Variants in TBK1 observed in about 807,000 individuals in gnomAD.
The protein encoded by TBK1 is serine/threonine-protein kinase TBK1.
Under a neutral mutation model 99.9 loss-of-function variants are expected in TBK1, and 37 were observed. That is an observed-to-expected ratio of 0.37 (90% confidence interval 0.28 to 0.49). The LOEUF is 0.49. Ranked by LOEUF, TBK1 falls within the 20% of genes least tolerant of loss-of-function variation. TBK1 has a pLI of 0.98. For synonymous variants in TBK1, 258 were observed against 279.8 expected, an observed-to-expected ratio of 0.92 and a Z score of 0.78; for missense variants, 644 against 872.5, an observed-to-expected ratio of 0.74 and a Z score of 3.30.
In TBK1 at chr12:64,474,405, G is replaced by T. The variant is rs374619568; in HGVS notation, c.701+15G>T. ...AAAGAAGTGATGTAAGTGGTTTCCCGATCTAAAATCAGAGAAGCATTTAAA... is the reference window on the plus strand; with the variant it reads ...AAAGAAGTGATGTAAGTGGTTTCCCTATCTAAAATCAGAGAAGCATTTAAA... On this transcript the variant is annotated intron_variant, in intron 6 of 20. Coordinates refer to ENST00000331710, the MANE Select transcript of TBK1 (RefSeq NM_013254.4). 1.3e-6 allele frequency: 2 copies of T among 1,594,058 alleles called. No individual in the cohort carries two copies. The highest frequency in any genetic ancestry group is 1.3e-5 in the African/African-American group (1 of 74,272).
intron 5 of TBK1, among the ~76,000 whole-genome samples, chr12:64,470,753 T>C (rs2040654268): frequency 6.6e-6 from 1 of 152,200 alleles, no homozygotes; most frequent in African/African-American, 2.4e-5. Flanking sequence ...TTTCCAATCA[T>C]GATAATCACT....
intron 3 of TBK1, among the ~76,000 whole-genome samples, chr12:64,463,721 A>G: frequency 6.6e-6 from 1 of 151,716 alleles, no homozygotes; most frequent in Non-Finnish European, 1.5e-5. Flanking sequence ...AAAGAAAGGA[A>G]TTTAAGATGA....
Position 64,482,021 on chromosome 12 carries a change from C to T in TBK1, c.992C>T (p.Thr331Ile), listed in dbSNP as rs200758840. ...AAGATTTATATTCATAGCTATAATA[C>T]GTAAGTATCTCTATTTTCTTCTTGT... ...AHKIYIHSYN[T>I]ATIFHELVYK... The change falls in exon 8 of 21, where the codon ACT becomes ATT. Residue 331 changes from threonine (T) to isoleucine (I), a missense_variant and splice_region_variant. By Grantham distance (89) the Thr-to-Ile change is moderately conservative. Coordinates refer to ENST00000331710, the MANE Select transcript of TBK1 (RefSeq NM_013254.4). 2.0e-5 allele frequency: 31 copies of T among 1,519,392 alleles called. No homozygotes were observed. The highest frequency in any genetic ancestry group is 2.4e-5 in the East Asian group (1 of 41,016). 94.1% of individuals were successfully genotyped at this position (1,519,392 alleles called of 1,614,324 possible).
At position 64,463,212 on chromosome 12, in the gene TBK1, A is replaced by C. The variant is rs147432446; in HGVS notation, c.229-1122A>C. 5.6e-3 allele frequency among the ~76,000 whole-genome samples: 855 copies of C among 152,136 alleles called. 9 individuals are homozygous for C. The highest frequency in any genetic ancestry group is 0.019 in the African/African-American group (781 of 41,498). ...TGGTGAAACCCCGTCTCTACTAAAA[A>C]TACAAAAAAATTAGCCGGGTGTGGT... On this transcript the variant is annotated intron_variant, in intron 3 of 20. Transcript: ENST00000331710.
chr12:64,463,709 AAAAAG>A (rs1342248987), intron 3 of TBK1, among the ~76,000 whole-genome samples: 1 of 151,516 alleles, frequency 6.6e-6, no homozygotes, highest in East Asian at 1.9e-4. Flanking sequence ...AAAAAAAAAA[AAAAAG>A]AAAGGAATTT....
chr12:64,464,704 T>C (rs1356643965), intron 4 of TBK1, among the ~76,000 whole-genome samples: 1 of 151,992 alleles, frequency 6.6e-6, no homozygotes, highest in Non-Finnish European at 1.5e-5. Flanking sequence ...TGTTTGTAAA[T>C]CATACACCTG....
intron 19 of TBK1, 58 bp from the exon 20 acceptor site, chr12:64,497,910 A>T (rs2040946622): frequency 6.6e-7 from 1 of 1,512,268 alleles, no homozygotes; most frequent in Middle Eastern, 1.8e-4. Flanking sequence ...AAACATAAAC[A>T]TCATTCTAAA....
chr12:64,487,339 T>G (rs903992575), intron 11 of TBK1, among the ~76,000 whole-genome samples: 2 of 152,242 alleles, frequency 1.3e-5, no homozygotes, highest in Non-Finnish European at 2.9e-5. Flanking sequence ...GTAATGCTTT[T>G]GACAGTTTAT....
At chr12:64,491,893 C>T (rs2040873531) in intron 13 of TBK1, among the ~76,000 whole-genome samples, 1 of 152,136 alleles carries the variant, frequency 6.6e-6, no homozygotes, top group East Asian at 1.9e-4. Context: ...TAGAAAATGT[C>T]AGAATGTGTC....
At chr12:64,458,004 C>T (rs900198205) in intron 2 of TBK1, among the ~76,000 whole-genome samples, 5 of 151,920 alleles carry the variant, frequency 3.3e-5, no homozygotes, top group African/African-American at 7.3e-5. Flanking sequence ...CCAGCACTTT[C>T]GGAGGCCAAG....
chr12:64,470,217 T>C (rs1423908057), intron 5 of TBK1, among the ~76,000 whole-genome samples: 1 of 152,166 alleles, frequency 6.6e-6, no homozygotes, highest in African/African-American at 2.4e-5. Context: ...TAATAAATAT[T>C]TTGTAGTGTT....
At position 64,485,928 on chromosome 12, in the gene TBK1, A is replaced by C; in HGVS notation, c.1251A>C (p.Ala417=). ...TTGACATTTTATTTCTTTATTAGGC[A>C]ATAACAGGGGTTGTGTGTTATGCCT... is the stretch of plus-strand genomic sequence containing the variant. The part of the protein sequence containing the change: ...DLDGDASMAK[A]ITGVVCYACR... The change falls in exon 11 of 21, where the codon GCA becomes GCC. Residue 417 remains alanine, a splice_region_variant and synonymous_variant. Coordinates refer to ENST00000331710, the MANE Select transcript of TBK1 (RefSeq NM_013254.4). The C allele has an allele frequency of 1.3e-6, 2 of 1,565,528 alleles. No individual in the cohort carries two copies. The highest frequency in any genetic ancestry group is 1.7e-6 in the Non-Finnish European group (2 of 1,158,746).
intron 6 of TBK1, among the ~76,000 whole-genome samples, chr12:64,476,404 C>T (rs935996646): frequency 2.6e-5 from 4 of 151,834 alleles, no homozygotes; most frequent in South Asian, 4.1e-4. Flanking sequence ...GTGATCCACC[C>T]GCCTCGGCCT....
Position 64,466,892 on chromosome 12 carries a change from T to C in TBK1, c.359-9T>C, listed in dbSNP as rs1161969964. The C allele has an allele frequency of 6.5e-7, 1 of 1,545,246 alleles. No individual in the cohort carries two copies. The stretch of plus-strand genomic sequence containing the variant: ...ACATTATGACTTCTTTTGTTTTATA[T>C]TGTTGAAGTGGGTGGAATGAATCAT... On this transcript the variant is annotated splice_polypyrimidine_tract_variant and intron_variant, in intron 4 of 20. Coordinates refer to ENST00000331710, the MANE Select transcript of TBK1 (RefSeq NM_013254.4).
At chr12:64,465,688 A>G (rs1041264351) in intron 4 of TBK1, among the ~76,000 whole-genome samples, 2 of 152,222 alleles carry the variant, frequency 1.3e-5, no homozygotes. Context: ...CAAAGGCTGC[A>G]ATATTATATG....
chr12:64,484,134 G>T, intron 8 of TBK1, 169 bp from the exon 9 acceptor site: 1 of 536,414 alleles, frequency 1.9e-6, no homozygotes. Flanking sequence ...GTATGGACAG[G>T]TTATATGGAA....
chr12:64,501,342 A>G lies in TBK1; in HGVS notation c.2151A>G (p.Leu717=). 1 of 1,614,026 alleles carries G rather than the reference A, an allele frequency of 6.2e-7. No homozygotes were observed. Among genetic ancestry groups the G allele is most frequent in the Non-Finnish European group, 8.5e-7 (1 of 1,179,996 alleles). The change falls in exon 21 of 21, where the codon TTA becomes TTG. Residue 717 remains leucine (L), a synonymous_variant. Transcript: ENST00000331710. ...GTGTGTGTTTTAGGTTTGGCTCTTTAACCATGGATGGTGGCCTTCGCAACG... is the reference window on the plus strand; with the variant it reads ...GTGTGTGTTTTAGGTTTGGCTCTTTGACCATGGATGGTGGCCTTCGCAACG... ...NNHILERFGS[L]TMDGGLRNVD...
chr12:64,489,884 G>GTT (rs998290827), intron 12 of TBK1, among the ~76,000 whole-genome samples, 157 bp from the exon 13 acceptor site: 1 of 146,504 alleles, frequency 6.8e-6, no homozygotes, highest in African/African-American at 2.5e-5. Flanking sequence ...CCGGCATCAG[G>GTT]TTTTTTTTTT....
At chr12:64,488,682 G>A in intron 12 of TBK1, 94 bp downstream of exon 12, 1 of 896,320 alleles carries the variant, frequency 1.1e-6, no homozygotes, top group Admixed American at 2.8e-5. Context: ...AATATGGCAT[G>A]CTATGCTAGG....
Sources: allele counts gnomAD v4.1 joint callset (sites outside exome capture counted in the v4.1 genomes callset), GRCh38; gene constraint gnomAD v4.1.1; transcripts MANE v1.5; gene names NCBI Gene and HGNC (gene_info 2026-07-23, HGNC 2026-07-21).